AKAP13: variants seen among roughly 807,000 people sequenced by gnomAD.
AKAP13 encodes A-kinase anchor protein 13.
A neutral mutation model predicts 264.5 loss-of-function variants in AKAP13; 80 were observed. That is an observed-to-expected ratio of 0.30 (90% confidence interval 0.25 to 0.36). The LOEUF (loss-of-function observed/expected upper bound fraction) is 0.36. Among genes scored for constraint, AKAP13 ranks in the 10% least tolerant of loss-of-function variants. The pLI is 1.00. For missense variants in AKAP13, 3,712 were observed against 3,435.2 expected (o/e 1.08, Z -2.01); for synonymous variants, 1,380 against 1,250.2 (o/e 1.10, Z -2.19).
chr15:85,653,220 A>G (rs1312563634), intron 10 of AKAP13, among the ~76,000 whole-genome samples: 2 of 152,204 alleles, frequency 1.3e-5, no homozygotes, highest in African/African-American at 4.8e-5. Flanking sequence ...TTACAGAGTG[A>G]CCCAGTGAAG....
intron 31 of AKAP13, 46 bp downstream of exon 31, chr15:85,735,196 T>G: frequency 6.3e-7 from 1 of 1,584,162 alleles, no homozygotes; most frequent in South Asian, 1.2e-5. Flanking sequence ...TCCTTGACTA[T>G]CTCACACAAC....
chr15:85,714,366 CAT>C (rs2086796127), intron 19 of AKAP13, among the ~76,000 whole-genome samples: 1 of 152,208 alleles, frequency 6.6e-6, no homozygotes, highest in Admixed American at 6.5e-5. Flanking sequence ...AGAAATTCCA[CAT>C]ATAAGGGGAT....
intron 5 of AKAP13, among the ~76,000 whole-genome samples, chr15:85,574,199 G>A (rs534134659): frequency 5.9e-5 from 9 of 152,284 alleles, no homozygotes; most frequent in East Asian, 5.8e-4. Flanking sequence ...CTTGAAATGC[G>A]TGCTCAAGTA....
intron 14 of AKAP13, among the ~76,000 whole-genome samples, chr15:85,674,000 C>G (rs2084076196): frequency 6.6e-6 from 1 of 151,626 alleles, no homozygotes; most frequent in South Asian, 2.1e-4. Context: ...CCAGATGATC[C>G]CTTTCTATGG....
At chr15:85,545,931 G>A (rs910519830) in intron 5 of AKAP13, among the ~76,000 whole-genome samples, 4 of 152,058 alleles carry the variant, frequency 2.6e-5, no homozygotes, top group South Asian at 2.1e-4. Context: ...ACAGAGTTAC[G>A]TAACCATCAC....
At chr15:85,564,069 T>C (rs1241188900) in intron 5 of AKAP13, among the ~76,000 whole-genome samples, 2 of 152,218 alleles carry the variant, frequency 1.3e-5, no homozygotes, top group Non-Finnish European at 2.9e-5. Flanking sequence ...GAAGGACTGA[T>C]AAGAGGATTA....
At chr15:85,692,004 T>G (rs16943251) in intron 16 of AKAP13, 72,617 of 405,868 alleles carry the variant, frequency 0.18, 7,321 homozygotes, top group Non-Finnish European at 0.22. Context: ...GAACCCCATT[T>G]TTTTAAAGGA....
intron 1 of AKAP13, among the ~76,000 whole-genome samples, chr15:85,434,672 C>G (rs913856746): frequency 6.6e-6 from 1 of 152,122 alleles, no homozygotes; most frequent in African/African-American, 2.4e-5. Flanking sequence ...CCCTGACCCC[C>G]GAGCAGCCTA....
At chr15:85,505,114 C>T (rs2076176233) in intron 2 of AKAP13, among the ~76,000 whole-genome samples, 1 of 152,238 alleles carries the variant, frequency 6.6e-6, no homozygotes, top group Non-Finnish European at 1.5e-5. Context: ...ACACTCTCTT[C>T]CTTTTAAGGA....
At position 85,581,871 on chromosome 15, in the gene AKAP13, C is replaced by T. The variant is rs1405855131; in HGVS notation, c.3803C>T (p.Ala1268Val). The T allele has an allele frequency of 1.2e-6, 2 of 1,614,166 alleles. No individual in the cohort carries two copies. The highest frequency in any genetic ancestry group is 2.2e-5 in the South Asian group (2 of 91,088). Residue 1268 changes from alanine to valine, a missense_variant, in exon 7 of 37, where the codon GCA becomes GTA. Coordinates refer to ENST00000394518, the MANE Select transcript of AKAP13 (RefSeq NM_007200.5). The part of the protein sequence containing the change: ...AVIEQVKAAG[A>V]LLTEGEACHM... ...ATCGAACAAGTCAAGGCCGCTGGAG[C>T]ACTGCTTACTGAGGGGGAGGCCTGT...
chr15:85,443,333 A>C (rs1049462213), intron 1 of AKAP13, among the ~76,000 whole-genome samples: 1 of 152,156 alleles, frequency 6.6e-6, no homozygotes, highest in Non-Finnish European at 1.5e-5. Context: ...GAGAGCTTAG[A>C]GTTTTAATAG....
chr15:85,736,695 G>T (rs1279525726), intron 33 of AKAP13, among the ~76,000 whole-genome samples: 1 of 152,066 alleles, frequency 6.6e-6, no homozygotes. Flanking sequence ...ATCTTATCCA[G>T]CGCTTCTTGC....
rs946204487 is a variant in AKAP13 at position 85,502,103 on chromosome 15, G to A, written c.33+16350G>A. Among the ~76,000 whole-genome samples, 10 of 152,296 alleles carry A rather than the reference G, an allele frequency of 6.6e-5. No individual in the cohort carries two copies. The East Asian group carries it at 1.2e-3, about 18-fold the overall frequency. On this transcript the variant is annotated intron_variant, in intron 2 of 36. Transcript: ENST00000394518. ...CACCCCAGAGTTTCTGATTTACTAGGTTTGGGATGGGGTGAAAAATTGCAT... is the reference window on the plus strand; with the variant it reads ...CACCCCAGAGTTTCTGATTTACTAGATTTGGGATGGGGTGAAAAATTGCAT...
At position 85,684,798 on chromosome 15, in the gene AKAP13, A is replaced by G. The variant is rs116088880; in HGVS notation, c.5214A>G (p.Glu1738=). 2.5e-6 allele frequency: 4 copies of G among 1,613,922 alleles called. No individual in the cohort carries two copies. The highest frequency in any genetic ancestry group is 2.2e-5 in the East Asian group (1 of 44,876). Residue 1738 remains glutamate, a synonymous_variant, in exon 16 of 37, where the codon GAA becomes GAG. Coordinates refer to ENST00000394518, the MANE Select transcript of AKAP13 (RefSeq NM_007200.5). Reference sequence around the variant, plus strand: ...ATAGCCCCTCCAAGAAAGATTCTGAATGGAAGAGTGGAACAAAAGTCAGTC... The same window carrying G: ...ATAGCCCCTCCAAGAAAGATTCTGAGTGGAAGAGTGGAACAAAAGTCAGTC... ...LPHSPSKKDS[E]WKSGTKVSRT... is the part of the protein sequence containing the mutation.
intron 11 of AKAP13, among the ~76,000 whole-genome samples, chr15:85,658,325 G>C (rs553829980): frequency 6.6e-6 from 1 of 152,166 alleles, no homozygotes; most frequent in South Asian, 2.1e-4. Flanking sequence ...TAACTCCTTG[G>C]AGCAAGGGGA....
At chr15:85,738,260 T>C (rs1311035145) in intron 33 of AKAP13, among the ~76,000 whole-genome samples, 1 of 151,342 alleles carries the variant, frequency 6.6e-6, no homozygotes, top group Non-Finnish European at 1.5e-5. Context: ...GGCATGGTGG[T>C]GGACGCCTGT....
intron 1 of AKAP13, among the ~76,000 whole-genome samples, chr15:85,450,431 A>G (rs775878401): frequency 2.6e-5 from 4 of 151,722 alleles, no homozygotes; most frequent in Non-Finnish European, 4.4e-5. Context: ...GTTCTTCTCT[A>G]ATTCTTTCAG....
At chr15:85,634,424 A>C (rs748839904) in intron 8 of AKAP13, among the ~76,000 whole-genome samples, 1 of 152,208 alleles carries the variant, frequency 6.6e-6, no homozygotes, top group Admixed American at 6.5e-5. Context: ...GTTTGTTTAG[A>C]TATTTCTGCT....
At chr15:85,591,640 A>T (rs1596631239) in intron 8 of AKAP13, among the ~76,000 whole-genome samples, 1 of 11,184 alleles carries the variant, frequency 8.9e-5, no homozygotes, top group African/African-American at 1.6e-3. Flanking sequence ...AAGTTCAGAA[A>T]AAGTTCAGAA....
Sources: allele counts gnomAD v4.1 joint callset (sites outside exome capture counted in the v4.1 genomes callset), GRCh38; gene constraint gnomAD v4.1.1; transcripts MANE v1.5; gene names NCBI Gene and HGNC (gene_info 2026-07-23, HGNC 2026-07-21).